The following REPS2 variants were observed in gnomAD, a reference collection of about 807,000 sequenced individuals.
REPS2 encodes the protein ralBP1-associated Eps domain-containing protein 2.
In REPS2, 23 loss-of-function variants were observed where a neutral mutation model predicts 53.6. That is an observed-to-expected ratio of 0.43 (90% CI 0.31 to 0.61). The LOEUF (loss-of-function observed/expected upper bound fraction) is 0.61. Ranked by LOEUF, REPS2 falls within the 20% of genes least tolerant of loss-of-function variation. The pLI, the probability that REPS2 is intolerant of heterozygous loss-of-function variation, is 0.11. For synonymous variants in REPS2, 238 were observed against 218.6 expected (o/e 1.09, Z -0.78); for missense variants, 446 against 534.9 (o/e 0.83, Z 1.64).
At position 17,151,144 on chromosome X, in the gene REPS2, G is replaced by A. The variant is rs892968671; in HGVS notation, c.*3663G>A. On this transcript the variant is annotated 3_prime_UTR_variant, in exon 18 of 18. Transcript: ENST00000357277. ...CTTATGGGAGGTTGTTTTTAAAATA[G>A]ACTACTGCGATTGAAATGAACTCAA... is the stretch of plus-strand genomic sequence containing the variant. The A allele has an allele frequency of 1.8e-5, 2 of 112,144 alleles. No individual in the cohort carries two copies. The highest frequency in any genetic ancestry group is 3.8e-5 in the Non-Finnish European group (2 of 53,207). 9.2% of individuals were successfully genotyped at this position (112,144 alleles called of 1,213,427 possible).
At chrX:17,092,749 C>G (rs894023536) in intron 13 of REPS2, among the ~76,000 whole-genome samples, 2 of 105,660 alleles carry the variant, frequency 1.9e-5, no homozygotes, top group Non-Finnish European at 3.9e-5. Context: ...TTTGCAACTG[C>G]ACACTAGATT....
Position 17,091,989 on chromosome X carries a change from C to T in REPS2, c.1517-11729C>T, listed in dbSNP as rs191133063. Reference sequence around the variant, plus strand: ...GAGGCTCCTTTCAACATTTTCCATTCCTTGAGTGTTTTTCCCCCCTTTGGT... The same window carrying T: ...GAGGCTCCTTTCAACATTTTCCATTTCTTGAGTGTTTTTCCCCCCTTTGGT... On this transcript the variant is annotated intron_variant, in intron 13 of 17. Transcript: ENST00000357277. Among the ~76,000 whole-genome samples, 581 of 111,831 alleles carry T rather than the reference C, an allele frequency of 5.2e-3. 4 individuals carry two copies. Among genetic ancestry groups the T allele is most frequent in the Middle Eastern group, 0.037 (8 of 217 alleles).
intron 13 of REPS2, among the ~76,000 whole-genome samples, chrX:17,091,099 T>C (rs960918284): frequency 7.1e-5 from 8 of 112,422 alleles, no homozygotes; most frequent in African/African-American, 2.3e-4. Flanking sequence ...ATTTTTATGC[T>C]AGCACTATAC....
Position 17,147,503 on chromosome X carries a change from A to T in REPS2, c.*22A>T, listed in dbSNP as rs752356082. The stretch of plus-strand genomic sequence containing the variant: ...GTGACCCCCCCATGGTTCAAGTGAC[A>T]GTGGGTGACCTTGTCTGCCAAGATC... On this transcript the variant is annotated 3_prime_UTR_variant, in exon 18 of 18. Transcript: ENST00000357277. 7.1e-6 allele frequency: 8 copies of T among 1,128,258 alleles called. No homozygotes were observed. The African/African-American group carries it at 1.4e-4, about 20-fold the overall frequency. The allele number at this position is 1,128,258 out of a possible 1,213,427, so 93.0% of individuals were successfully genotyped here.
intron 1 of REPS2, among the ~76,000 whole-genome samples, chrX:17,001,923 C>T (rs1446494403): frequency 1.8e-5 from 2 of 111,634 alleles, no homozygotes; most frequent in Non-Finnish European, 3.8e-5. Context: ...AAAGACCGAT[C>T]CCCGTGATTC....
At chrX:17,048,522 T>A (rs986912561) in intron 6 of REPS2, among the ~76,000 whole-genome samples, 4 of 112,759 alleles carry the variant, frequency 3.5e-5, no homozygotes, top group African/African-American at 1.3e-4. Context: ...CTTTTGTATC[T>A]TGCAGAATTT....
intron 1 of REPS2, among the ~76,000 whole-genome samples, chrX:16,992,269 A>G (rs1486283884): frequency 7.2e-5 from 8 of 111,178 alleles, no homozygotes; most frequent in Non-Finnish European, 5.7e-5. Flanking sequence ...AGTGCCATCT[A>G]TGAGGCAGAG....
At chrX:16,964,485 C>G (rs1230483683) in intron 1 of REPS2, among the ~76,000 whole-genome samples, 1 of 109,221 alleles carries the variant, frequency 9.2e-6, no homozygotes, top group Admixed American at 9.6e-5. Flanking sequence ...CACCTTTCCC[C>G]CCTTTCTATT....
At chrX:16,947,309 G>A (rs1286448993) in intron 1 of REPS2, among the ~76,000 whole-genome samples, 175 bp downstream of exon 1, 2 of 112,437 alleles carry the variant, frequency 1.8e-5, no homozygotes, top group African/African-American at 6.5e-5. Flanking sequence ...GGGGACACCA[G>A]CCTCCTTCGC....
intron 9 of REPS2, among the ~76,000 whole-genome samples, chrX:17,067,307 CA>C (rs2147967680): frequency 9.0e-6 from 1 of 111,335 alleles, no homozygotes; most frequent in East Asian, 2.8e-4. Context: ...GTATAATTGA[CA>C]AAAAATATAT....
chrX:16,976,096 C>T (rs1434593218), intron 1 of REPS2, among the ~76,000 whole-genome samples: 2 of 111,590 alleles, frequency 1.8e-5, no homozygotes, highest in African/African-American at 3.3e-5. Context: ...CCTTCTCCAG[C>T]CCCTGGTAAC....
chrX:17,035,169 T>A (rs2061751241), intron 5 of REPS2, among the ~76,000 whole-genome samples: 1 of 110,021 alleles, frequency 9.1e-6, no homozygotes, highest in South Asian at 4.0e-4. Context: ...AAAAGATAAT[T>A]GATAGTCACC....
intron 1 of REPS2, among the ~76,000 whole-genome samples, chrX:16,962,957 C>T (rs1046002570): frequency 1.8e-5 from 2 of 110,710 alleles, no homozygotes; most frequent in African/African-American, 6.6e-5. Flanking sequence ...AAGTTATCTG[C>T]GTGTGGTAGT....
intron 5 of REPS2, among the ~76,000 whole-genome samples, chrX:17,033,087 G>T (rs1276621408): frequency 8.9e-6 from 1 of 112,357 alleles, no homozygotes; most frequent in African/African-American, 3.2e-5. Flanking sequence ...GCTGGCAAAA[G>T]ATTTAGAATT....
At chrX:17,177,611 C>T in the REPS2 span, among the ~76,000 whole-genome samples, 1 of 111,451 alleles carries the variant, frequency 9.0e-6, no homozygotes, top group Non-Finnish European at 1.9e-5. Context: ...CTTAAGCAAA[C>T]TTCTCTTTTC....
chrX:17,159,610 C>G, the REPS2 span, among the ~76,000 whole-genome samples: 1 of 111,746 alleles, frequency 8.9e-6, no homozygotes, highest in African/African-American at 3.3e-5. Flanking sequence ...GTGCCTCACT[C>G]CATCATCTAT....
At chrX:17,110,327 T>C (rs1009842850) in intron 14 of REPS2, among the ~76,000 whole-genome samples, 1 of 106,709 alleles carries the variant, frequency 9.4e-6, no homozygotes, top group Admixed American at 1.0e-4. Context: ...TTTTTTTTTT[T>C]TGGGAATATC....
chrX:17,043,504 GC>G (rs9331473), intron 5 of REPS2, among the ~76,000 whole-genome samples: 1,625 of 103,078 alleles, frequency 0.016, 35 homozygotes, highest in African/African-American at 0.044. Flanking sequence ...AGCCTTTCTT[GC>G]CCCCCCCCCC....
intron 13 of REPS2, among the ~76,000 whole-genome samples, chrX:17,084,773 T>A (rs1185169693): frequency 8.9e-6 from 1 of 112,513 alleles, no homozygotes; most frequent in African/African-American, 3.2e-5. Flanking sequence ...GTTCTTTATA[T>A]ATTTTGCATA....
Sources: gnomAD v4.1 joint callset for allele counts (sites outside exome capture counted in the v4.1 genomes callset) on GRCh38, gnomAD v4.1.1 for gene constraint, MANE v1.5 for transcripts, NCBI Gene and HGNC (gene_info 2026-07-23, HGNC 2026-07-21) for gene names.